Variants in RABEP2 observed in about 807,000 individuals in gnomAD.
The protein encoded by RABEP2 is rab GTPase-binding effector protein 2.
RABEP2 carries 57 observed loss-of-function variants against 74.1 expected under a neutral mutation model. The observed-to-expected ratio is 0.77, with a 90% CI of 0.62 to 0.96. RABEP2 has a LOEUF of 0.96. Among genes scored for constraint, RABEP2 ranks in the 40% least tolerant of loss-of-function variants. The probability of loss-of-function intolerance (pLI) is 0.00; values close to 1 mark genes in which losing one functional copy is unlikely to be tolerated. For missense variants in RABEP2, 692 were observed against 756.3 expected, an observed-to-expected ratio of 0.91 and a Z score of 1.00; for synonymous variants, 351 against 344.0, an observed-to-expected ratio of 1.02 and a Z score of -0.23.
At chr16:28,918,173 G>C (rs187629037) in intron 3 of RABEP2, among the ~76,000 whole-genome samples, 2,870 of 148,192 alleles carry the variant, frequency 0.019, 71 homozygotes, top group East Asian at 0.14. Context: ...TCCGCTTCCC[G>C]GGTTCACGCC....
intron 5 of RABEP2, among the ~76,000 whole-genome samples, chr16:28,912,105 G>A (rs181843103): frequency 1.3e-5 from 2 of 151,840 alleles, no homozygotes; most frequent in Admixed American, 1.3e-4. Context: ...AATTAGCCAG[G>A]TGTGGTGGCA....
intron 2 of RABEP2, among the ~76,000 whole-genome samples, chr16:28,923,537 G>A (rs940465175): frequency 6.6e-6 from 1 of 152,124 alleles, no homozygotes; most frequent in Non-Finnish European, 1.5e-5. Flanking sequence ...TTTAAAATGT[G>A]GATCTATTTA....
rs1001482647 is a variant in RABEP2, at chr16:28,904,504, G to A, written c.*439C>T. The A allele has an allele frequency of 2.3e-5, 34 of 1,481,584 alleles. No individual in the cohort carries two copies. Among genetic ancestry groups the A allele is most frequent in the Admixed American group, 6.1e-5 (3 of 49,260 alleles). 91.8% of individuals were successfully genotyped at this position (1,481,584 alleles called of 1,614,324 possible). On this transcript the variant is annotated 3_prime_UTR_variant, in exon 13 of 13. Coordinates refer to ENST00000358201, the MANE Select transcript of RABEP2 (RefSeq NM_024816.3). ...TGCAAGCTTGGAGGCCTGGGTCGCCGCTGTGGACAAGCGTCTTAGTGTCAT... is the reference window on the plus strand; with the variant it reads ...TGCAAGCTTGGAGGCCTGGGTCGCCACTGTGGACAAGCGTCTTAGTGTCAT...
Position 28,910,984 on chromosome 16 carries a change from C to T in RABEP2, c.993G>A (p.Met331Ile). The T allele has an allele frequency of 6.2e-7, 1 of 1,610,406 alleles. No homozygotes were observed. The highest frequency in any genetic ancestry group is 1.1e-5 in the South Asian group (1 of 90,792). ...RRSNEDCAKQ[M>I]QVLLAQVQNS... ...TCTGGACCTGGGCCAGGAGCACCTG[C>T]ATCTGGGTTGGAGGGAGGGCGAAAG... The change falls in exon 7 of 13, where the codon ATG becomes ATA. Residue 331 changes from methionine to isoleucine, a missense_variant and splice_region_variant. Transcript: ENST00000358201.
At chr16:28,915,959 C>T (rs532162285) in intron 3 of RABEP2, among the ~76,000 whole-genome samples, 1 of 152,126 alleles carries the variant, frequency 6.6e-6, no homozygotes, top group African/African-American at 2.4e-5. Context: ...CCTGCCTCAG[C>T]CTCCCAAGTA....
At chr16:28,908,586 C>G (rs752721301) in intron 8 of RABEP2, 23 bp downstream of exon 8, 1 of 1,586,442 alleles carries the variant, frequency 6.3e-7, no homozygotes, top group African/African-American at 1.3e-5. Flanking sequence ...GCTCCAGGCT[C>G]TCAGTGCCCA....
chr16:28,908,799 G>C (rs777329525), intron 7 of RABEP2, 35 bp from the exon 8 acceptor site: 2 of 1,600,936 alleles, frequency 1.2e-6, no homozygotes, highest in East Asian at 4.5e-5. Context: ...GCAATGAAGA[G>C]GACAGGGCGT....
chr16:28,904,787 C>A lies in RABEP2; in HGVS notation c.*156G>T, dbSNP rs376071922. On this transcript the variant is annotated 3_prime_UTR_variant, in exon 13 of 13. Coordinates refer to ENST00000358201, the MANE Select transcript of RABEP2 (RefSeq NM_024816.3). ...GAGGCCCAGCCACCCTGGGAGGAGG[C>A]GCTGGAGGGCGGGGCGGTGGTGGCC... is the stretch of plus-strand genomic sequence containing the variant. 3.0e-6 allele frequency: 2 copies of A among 676,260 alleles called. No homozygotes were observed. The highest frequency in any genetic ancestry group is 1.9e-5 in the South Asian group (1 of 52,094). The allele number at this position is 676,260 out of a possible 1,614,324, so 41.9% of individuals were successfully genotyped here.
intron 1 of RABEP2, 192 bp from the exon 2 acceptor site, chr16:28,924,807 C>T (rs897734728): frequency 1.0e-5 from 7 of 691,494 alleles, no homozygotes; most frequent in African/African-American, 1.8e-5. Flanking sequence ...TACACTCCAT[C>T]TCTTCGCGGT....
At chr16:28,912,195 G>A (rs1189471703) in intron 5 of RABEP2, among the ~76,000 whole-genome samples, 3 of 55,232 alleles carry the variant, frequency 5.4e-5, no homozygotes, top group African/African-American at 2.4e-4. Context: ...GCAGTGAGCC[G>A]AGAACCACAC....
chr16:28,918,039 T>C (rs1174951512), intron 3 of RABEP2: 1 of 148,322 alleles, frequency 6.7e-6, no homozygotes, highest in African/African-American at 2.5e-5. Context: ...CGTTTGATAA[T>C]AAATATGTGC....
intron 1 of RABEP2, 91 bp downstream of exon 1, chr16:28,925,012 C>T (rs2060411867): frequency 4.5e-6 from 6 of 1,322,378 alleles, no homozygotes; most frequent in Non-Finnish European, 6.3e-6. Context: ...CTTCCTCCAT[C>T]ATCCCTCTCC....
intron 2 of RABEP2, among the ~76,000 whole-genome samples, chr16:28,922,437 T>C (rs781246632): frequency 6.7e-5 from 10 of 149,004 alleles, no homozygotes; most frequent in Non-Finnish European, 1.0e-4. Context: ...ATACAAAAAA[T>C]GGGGCCGGGC....
chr16:28,912,683 G>T (rs922913441), intron 5 of RABEP2, among the ~76,000 whole-genome samples: 1 of 152,116 alleles, frequency 6.6e-6, no homozygotes, highest in Non-Finnish European at 1.5e-5. Flanking sequence ...AAAGTGCTGA[G>T]ATTACACGCG....
At chr16:28,920,060 G>A in intron 2 of RABEP2, 117 bp from the exon 3 acceptor site, 1 of 1,208,454 alleles carries the variant, frequency 8.3e-7, no homozygotes. Flanking sequence ...TACCATAGCA[G>A]TTGCCATGGC....
At chr16:28,916,592 A>C (rs531857954) in intron 3 of RABEP2, among the ~76,000 whole-genome samples, 1 of 151,162 alleles carries the variant, frequency 6.6e-6, no homozygotes, top group African/African-American at 2.4e-5. Context: ...GAATCACTTG[A>C]ACCCGGGAGG....
chr16:28,905,621 GAC>G (rs1964214649), intron 11 of RABEP2, 81 bp downstream of exon 11: 38 of 1,028,810 alleles, frequency 3.7e-5, no homozygotes, highest in Non-Finnish European at 5.0e-5. Context: ...GCCTGAGGGA[GAC>G]ACAGAGGGCG....
rs1227208435 is a variant in RABEP2 at position 28,919,740 on chromosome 16, A to G, written c.432+46T>C. ...GAATGGGACATCCACAGTCCTCAACATTCTTCCAAATCCCAGGGCAGCAGG... is the reference window on the plus strand; with the variant it reads ...GAATGGGACATCCACAGTCCTCAACGTTCTTCCAAATCCCAGGGCAGCAGG... On this transcript the variant is annotated intron_variant, in intron 3 of 12. Coordinates refer to ENST00000358201, the MANE Select transcript of RABEP2 (RefSeq NM_024816.3). 4 of 1,570,000 alleles carry G rather than the reference A, an allele frequency of 2.5e-6. No homozygotes were observed. In the African/African-American group the frequency reaches 4.0e-5, roughly 16 times the overall value.
At chr16:28,914,616 G>A (rs766170732) in intron 4 of RABEP2, 30 bp from the exon 5 acceptor site, 5 of 1,610,472 alleles carry the variant, frequency 3.1e-6, no homozygotes, top group Non-Finnish European at 4.2e-6. Context: ...AGAGGCTGGG[G>A]GGCCAGGGTC....
Sources: gnomAD v4.1 joint callset for allele counts (sites outside exome capture counted in the v4.1 genomes callset) on GRCh38, gnomAD v4.1.1 for gene constraint, MANE v1.5 for transcripts, NCBI Gene and HGNC (gene_info 2026-07-23, HGNC 2026-07-21) for gene names.